The following COLGALT1 variants were observed in gnomAD, a reference collection of about 807,000 sequenced individuals.
COLGALT1 encodes the protein procollagen galactosyltransferase 1.
A neutral mutation model predicts 60.8 loss-of-function variants in COLGALT1; 43 were observed. That is an observed-to-expected ratio of 0.71 (90% confidence interval 0.55 to 0.91). COLGALT1 has a LOEUF of 0.91. COLGALT1 is among the 40% of genes least tolerant of loss of function. COLGALT1 has a pLI of 0.00. For synonymous variants in COLGALT1, 369 were observed against 374.2 expected (o/e 0.99, Z 0.16); for missense variants, 845 against 880.0 (o/e 0.96, Z 0.50).
chr19:17,561,644 A>C (rs1372682572), intron 3 of COLGALT1, among the ~76,000 whole-genome samples: 7 of 151,060 alleles, frequency 4.6e-5, no homozygotes, highest in Admixed American at 1.3e-4. Context: ...AAAAAAAAAA[A>C]AAAAAAAAAA....
At chr19:17,579,036 G>A (rs575876982) in intron 9 of COLGALT1, among the ~76,000 whole-genome samples, 79 of 151,996 alleles carry the variant, frequency 5.2e-4, no homozygotes, top group African/African-American at 1.6e-3. Flanking sequence ...AAATCCGGGC[G>A]TAGTGGCACA....
chr19:17,573,050 G>C (rs948504884), intron 6 of COLGALT1, among the ~76,000 whole-genome samples: 46 of 152,108 alleles, frequency 3.0e-4, no homozygotes, highest in African/African-American at 1.1e-3. Context: ...GGACAGTCAG[G>C]AGCTATAGAG....
chr19:17,569,912 T>TG (rs2076302268), intron 5 of COLGALT1, among the ~76,000 whole-genome samples: 1 of 148,820 alleles, frequency 6.7e-6, no homozygotes, highest in South Asian at 2.1e-4. Context: ...TTTTTTTTTT[T>TG]GAGACGGAGT....
At position 17,582,440 on chromosome 19, in the gene COLGALT1, T is replaced by A. The variant is rs1248138406; in HGVS notation, c.*996T>A. On this transcript the variant is annotated 3_prime_UTR_variant, in exon 12 of 12. Coordinates refer to ENST00000252599, the MANE Select transcript of COLGALT1 (RefSeq NM_024656.4). ...CTCACTGCTAGACGGTGTGGGAACT[T>A]CTCACTCATTGGCTTCTTTCCCACA... 6.6e-6 allele frequency: 1 copy of A among 152,188 alleles called. No homozygotes were observed. The highest frequency in any genetic ancestry group is 1.5e-5 in the Non-Finnish European group (1 of 68,030). The allele number at this position is 152,188 out of a possible 1,614,324, so 9.4% of individuals were successfully genotyped here.
chr19:17,566,004 T>A (rs1450422164), intron 3 of COLGALT1: 1 of 152,068 alleles, frequency 6.6e-6, no homozygotes, highest in East Asian at 1.9e-4. Flanking sequence ...TCATGGCAGT[T>A]AATCCAAATA....
chr19:17,558,262 A>G (rs904964180), intron 1 of COLGALT1, among the ~76,000 whole-genome samples: 11 of 150,288 alleles, frequency 7.3e-5, no homozygotes, highest in Non-Finnish European at 1.0e-4. Context: ...TTTAGTAGAG[A>G]TGGGGTTTCG....
intron 6 of COLGALT1, among the ~76,000 whole-genome samples, chr19:17,576,519 CAGGGTTG>C (rs2076341119): frequency 1.4e-5 from 2 of 147,402 alleles, no homozygotes; most frequent in Non-Finnish European, 1.5e-5. Context: ...GGCTTAGAGG[CAGGGTTG>C]GGGGCGGAGT....
intron 2 of COLGALT1, 51 bp downstream of exon 2, chr19:17,559,472 C>G: frequency 7.2e-7 from 1 of 1,386,170 alleles, no homozygotes; most frequent in Non-Finnish European, 1.0e-6. Context: ...CCTCTGCTCA[C>G]ACACCCTCTA....
At position 17,578,030 on chromosome 19, in the gene COLGALT1, C is replaced by G; in HGVS notation, c.1207C>G (p.Arg403Gly). The change falls in exon 9 of 12, where the codon CGG (arginine) becomes GGG (glycine). Residue 403 changes from arginine (R) to glycine (G), a missense_variant. Transcript: ENST00000252599. ...LPGYRDPYHG[R>G]PLTKGELGCF... ...TGGCTACCGGGACCCCTACCACGGC[C>G]GGCCCCTCACCAAGGGTGAGCTGGG... 6.2e-7 allele frequency: 1 copy of G among 1,610,938 alleles called. No individual in the cohort carries two copies. The highest frequency in any genetic ancestry group is 8.5e-7 in the Non-Finnish European group (1 of 1,178,828).
intron 1 of COLGALT1, among the ~76,000 whole-genome samples, chr19:17,557,960 T>C (rs939474468): frequency 1.3e-5 from 2 of 151,918 alleles, no homozygotes; most frequent in African/African-American, 2.4e-5. Flanking sequence ...TTTTTGAGAC[T>C]GAGTCTCGCT....
intron 3 of COLGALT1, among the ~76,000 whole-genome samples, chr19:17,566,971 C>T (rs1193781309): frequency 1.3e-5 from 2 of 151,936 alleles, no homozygotes; most frequent in Admixed American, 1.3e-4. Flanking sequence ...AAAAGTTACC[C>T]GGGTGTGATG....
intron 5 of COLGALT1, 65 bp downstream of exon 5, chr19:17,568,778 C>G: frequency 2.0e-6 from 3 of 1,507,956 alleles, no homozygotes; most frequent in Non-Finnish European, 2.8e-6. Context: ...TTGCACTAAG[C>G]CAGTTCAGAA....
chr19:17,557,894 A>G (rs1301182159), intron 1 of COLGALT1, among the ~76,000 whole-genome samples: 2 of 150,870 alleles, frequency 1.3e-5, no homozygotes, highest in Middle Eastern at 3.3e-3. Context: ...GAGCCATTGC[A>G]CCCAGCTGGT....
intron 5 of COLGALT1, among the ~76,000 whole-genome samples, chr19:17,570,443 G>T (rs1183839251): frequency 2.6e-5 from 4 of 151,918 alleles, no homozygotes; most frequent in African/African-American, 7.3e-5. Flanking sequence ...ATGGGGTCTT[G>T]CTATGTTGCC....
At position 17,559,004 on chromosome 19, in the gene COLGALT1, C is replaced by CA. The variant is rs764140153; in HGVS notation, c.261-300dup. ...TGAAACCCCGTCTCTACTAAAAATA[C>CA]AAAAAAATTAGCCGGGTGTGGTGGC... On this transcript the variant is annotated intron_variant, in intron 1 of 11. Coordinates refer to ENST00000252599, the MANE Select transcript of COLGALT1 (RefSeq NM_024656.4). Among the ~76,000 whole-genome samples, 591 of 151,892 alleles carry CA rather than the reference C, an allele frequency of 3.9e-3. 5 individuals are homozygous for CA. Among genetic ancestry groups the CA allele is most frequent in the Middle Eastern group, 6.8e-3 (2 of 294 alleles).
intron 1 of COLGALT1, among the ~76,000 whole-genome samples, chr19:17,558,909 C>A (rs183414236): frequency 3.9e-5 from 6 of 151,948 alleles, no homozygotes; most frequent in African/African-American, 1.5e-4. Context: ...CTTGTTAAGT[C>A]CAGCACTTTG....
chr19:17,580,832 C>T lies in COLGALT1; in HGVS notation c.1528C>T (p.Leu510=). 1.2e-6 allele frequency: 2 copies of T among 1,614,022 alleles called. No homozygotes were observed. Among genetic ancestry groups the T allele is most frequent in the East Asian group, 2.2e-5 (1 of 44,862 alleles). Residue 510 remains leucine (L), a synonymous_variant, in exon 11 of 12, where the codon CTG becomes TTG. Coordinates refer to ENST00000252599, the MANE Select transcript of COLGALT1 (RefSeq NM_024656.4). ...VISLQGARKL[L]AAEPLSKMLP... ...CTCCCTGCAAGGCGCCCGCAAACTG[C>T]TGGCTGCTGAGCCGCTCTCCAAGAT...
rs576879176 is a variant in COLGALT1 at position 17,577,158 on chromosome 19, C to T, written c.950-37C>T. On this transcript the variant is annotated intron_variant, in intron 6 of 11. Coordinates refer to ENST00000252599, the MANE Select transcript of COLGALT1 (RefSeq NM_024656.4). ...CGTGTTGGAGAGAGGCTGGAGGCTC[C>T]TTACCCCAGCGACTCCTCAACGTCT... 1.9e-6 allele frequency: 3 copies of T among 1,602,506 alleles called. No homozygotes were observed. The African/African-American group carries it at 4.0e-5, about 21-fold the overall frequency.
intron 6 of COLGALT1, among the ~76,000 whole-genome samples, chr19:17,573,325 A>T (rs1568479207): frequency 6.6e-6 from 1 of 152,112 alleles, no homozygotes; most frequent in Non-Finnish European, 1.5e-5. Flanking sequence ...CAAAAGATGG[A>T]GACCATACTG....
Sources: gnomAD v4.1 joint callset for allele counts (sites outside exome capture counted in the v4.1 genomes callset) on GRCh38, gnomAD v4.1.1 for gene constraint, MANE v1.5 for transcripts, NCBI Gene and HGNC (gene_info 2026-07-23, HGNC 2026-07-21) for gene names.